Variants in ATXN2 observed in about 807,000 individuals in gnomAD.
The protein encoded by ATXN2 is ataxin 2.
In ATXN2, 37 loss-of-function variants were observed where a neutral mutation model predicts 138.6. The ratio of observed to expected loss-of-function variants is 0.27; its 90% CI spans 0.21 to 0.35. The LOEUF is 0.35. ATXN2 is among the 10% of genes least tolerant of loss of function. The pLI, the probability that ATXN2 is intolerant of heterozygous loss-of-function variation, is 1.00. For missense variants in ATXN2, 1,216 were observed against 1,480.3 expected (o/e 0.82, Z 2.93); for synonymous variants, 549 against 543.7 (o/e 1.01, Z -0.13).
chr12:111,492,740 A>T (rs1566022778), intron 14 of ATXN2, among the ~76,000 whole-genome samples: 1 of 152,032 alleles, frequency 6.6e-6, no homozygotes, highest in Non-Finnish European at 1.5e-5. Flanking sequence ...CAAAGAACAG[A>T]ATACCCAACT....
intron 5 of ATXN2, among the ~76,000 whole-genome samples, chr12:111,547,932 C>T (rs1364529934): frequency 6.7e-6 from 1 of 149,698 alleles, no homozygotes; most frequent in Non-Finnish European, 1.5e-5. Flanking sequence ...GTGGTTCATG[C>T]CTACAATCCC....
chr12:111,586,382 A>C (rs1211213009), intron 1 of ATXN2, among the ~76,000 whole-genome samples: 5 of 133,242 alleles, frequency 3.8e-5, no homozygotes, highest in African/African-American at 1.4e-4. Context: ...CCCAGCCCCA[A>C]GTCTGGTTTT....
intron 6 of ATXN2, 60 bp downstream of exon 6, chr12:111,525,132 C>G: frequency 6.5e-7 from 1 of 1,530,902 alleles, no homozygotes. Context: ...TAAATTACAA[C>G]CAAGTGACAG....
rs1164685458 is a variant in ATXN2 at position 111,525,234 on chromosome 12, T to A, written c.654A>T (p.Glu218Asp). The change falls in exon 6 of 25, where the codon GAA (glutamate) becomes GAT (aspartate). Residue 218 changes from glutamate (E) to aspartate (D), a missense_variant. This residue lies in a region of ATXN2 where 401 missense variants were observed against 528.1 expected (regional missense o/e 0.76). Coordinates refer to ENST00000673436, the MANE Select transcript of ATXN2 (RefSeq NM_001372574.1). ...CCTCAAGTTCCTCATTGGCTGTGAG[T>A]TCACCTGCATCCCAGGGCTCCAGGT... ...EKDLEPWDAG[E>D]LTANEELEAL... 1 of 1,613,714 alleles carries A rather than the reference T, an allele frequency of 6.2e-7. No homozygotes were observed.
At chr12:111,583,002 T>G (rs1385082191) in intron 1 of ATXN2, among the ~76,000 whole-genome samples, 11 of 139,942 alleles carry the variant, frequency 7.9e-5, no homozygotes, top group African/African-American at 2.9e-4. Context: ...TGTTTTTTTT[T>G]TTTTTTTGGA....
intron 16 of ATXN2, 24 bp downstream of exon 16, chr12:111,486,737 C>A: frequency 6.3e-7 from 1 of 1,584,822 alleles, no homozygotes; most frequent in Non-Finnish European, 8.6e-7. Flanking sequence ...GACTAGATAA[C>A]CTCAAAGAAA....
At chr12:111,565,104 T>C (rs7137348) in intron 1 of ATXN2, among the ~76,000 whole-genome samples, 2 of 152,184 alleles carry the variant, frequency 1.3e-5, no homozygotes, top group South Asian at 2.1e-4. Flanking sequence ...ATGTCATGAA[T>C]GTCCCCATAT....
intron 1 of ATXN2, among the ~76,000 whole-genome samples, chr12:111,562,841 G>A (rs923015133): frequency 6.6e-6 from 1 of 151,354 alleles, no homozygotes; most frequent in African/African-American, 2.4e-5. Flanking sequence ...GCTAAATATA[G>A]TAAGGGAAAG....
In ATXN2 at chr12:111,599,047, A is replaced by C; in HGVS notation, c.-13T>G. Reference sequence around the variant, plus strand: ...GCTTCAGCGACATGGTGAGGGGCCCATACACCGGCTCGCACGCCGGGCGGG... The same window carrying C: ...GCTTCAGCGACATGGTGAGGGGCCCCTACACCGGCTCGCACGCCGGGCGGG... On this transcript the variant is annotated 5_prime_UTR_variant, in exon 1 of 25. The change abolishes an upstream ATG in the 5' untranslated region. Transcript: ENST00000673436. 6.8e-7 allele frequency: 1 copy of C among 1,459,984 alleles called. No individual in the cohort carries two copies. Among genetic ancestry groups the C allele is most frequent in the Non-Finnish European group, 9.0e-7 (1 of 1,107,614 alleles). The allele number at this position is 1,459,984 out of a possible 1,614,324, so 90.4% of individuals were successfully genotyped here.
At chr12:111,588,889 G>T (rs886729892) in intron 1 of ATXN2, among the ~76,000 whole-genome samples, 2 of 149,460 alleles carry the variant, frequency 1.3e-5, no homozygotes, top group Non-Finnish European at 3.0e-5. Flanking sequence ...CAGCTACTCG[G>T]GAGGCTGAGG....
chr12:111,462,489 G>A (rs6490140), intron 21 of ATXN2, among the ~76,000 whole-genome samples: 15,562 of 152,158 alleles, frequency 0.1, 2,660 homozygotes, highest in African/African-American at 0.35. Context: ...TTGTAAATCT[G>A]ATGTTAAATT....
intron 14 of ATXN2, 46 bp from the exon 15 acceptor site, chr12:111,488,826 G>A (rs1459410902): frequency 1.4e-6 from 2 of 1,466,234 alleles, no homozygotes; most frequent in Admixed American, 2.1e-5. Context: ...AATAACTTTA[G>A]TAATACATTT....
At chr12:111,505,170 C>G (rs1879028991) in intron 14 of ATXN2, among the ~76,000 whole-genome samples, 1 of 152,114 alleles carries the variant, frequency 6.6e-6, no homozygotes, top group Non-Finnish European at 1.5e-5. Context: ...GATTGCACCA[C>G]TGCCCTCCAG....
rs1306449151 is a variant in ATXN2 at position 111,478,968 on chromosome 12, C to T, written c.2524+6297G>A. On this transcript the variant is annotated intron_variant, in intron 18 of 24. Transcript: ENST00000673436. The stretch of plus-strand genomic sequence containing the variant: ...AGGTTGCCATGAGCTGAAATCACGC[C>T]ACTGAACTCCAGCCTGGGCAACAGA... 4 of 230,846 alleles carry T rather than the reference C, an allele frequency of 1.7e-5. No individual in the cohort carries two copies. In the Admixed American group the frequency reaches 2.3e-4, roughly 13 times the overall value. The allele number at this position is 230,846 out of a possible 1,614,324, so 14.3% of individuals were successfully genotyped here.
chr12:111,464,624 C>A (rs777019587), intron 21 of ATXN2, 38 bp downstream of exon 21: 9 of 1,520,256 alleles, frequency 5.9e-6, no homozygotes, highest in Non-Finnish European at 7.3e-6. Context: ...AAGTGTTTTA[C>A]TGTACAATTA....
rs1367575125 is a variant in ATXN2, at chr12:111,465,295, A to T, written c.2843-580T>A. 5.5e-5 allele frequency among the ~76,000 whole-genome samples: 8 copies of T among 145,890 alleles called. No individual in the cohort carries two copies. In the East Asian group the frequency reaches 5.9e-4, roughly 11 times the overall value. On this transcript the variant is annotated intron_variant, in intron 20 of 24. Transcript: ENST00000673436. ...GGTGGAGGGATTATGGATGCTTTTCATTTTTTTTTTTTTTAACTTAACTAT... is the reference window on the plus strand; with the variant it reads ...GGTGGAGGGATTATGGATGCTTTTCTTTTTTTTTTTTTTTAACTTAACTAT...
intron 1 of ATXN2, among the ~76,000 whole-genome samples, chr12:111,593,172 C>T (rs535672351): frequency 1.3e-5 from 2 of 152,046 alleles, no homozygotes; most frequent in East Asian, 3.9e-4. Context: ...AACCTCCGCA[C>T]TCATTGCAAC....
Position 111,456,167 on chromosome 12 carries a change from T to G in ATXN2, c.3132A>C (p.Pro1044=), listed in dbSNP as rs1430249837. 1.9e-6 allele frequency: 3 copies of G among 1,613,886 alleles called. No individual in the cohort carries two copies. In the Admixed American group the frequency reaches 5.0e-5, roughly 27 times the overall value. Residue 1044 remains proline (P), a synonymous_variant, in exon 23 of 25, where the codon CCA becomes CCC. Coordinates refer to ENST00000673436, the MANE Select transcript of ATXN2 (RefSeq NM_001372574.1). ...AIYHAGLAPT[P]PSMTPASNTQ... is the part of the protein sequence containing the mutation. The stretch of plus-strand genomic sequence containing the variant: ...TGTTGGAGGCAGGTGTCATGGAGGG[T>G]GGAGTTGGCGCAAGCCCCGCGTGGT...
intron 1 of ATXN2, among the ~76,000 whole-genome samples, chr12:111,578,849 A>G (rs1475937372): frequency 6.6e-6 from 1 of 152,024 alleles, no homozygotes; most frequent in Admixed American, 6.6e-5. Flanking sequence ...AACACCACCC[A>G]GGGCAACATA....
Sources: allele counts gnomAD v4.1 joint callset (sites outside exome capture counted in the v4.1 genomes callset), GRCh38; gene constraint gnomAD v4.1.1; regional missense constraint gnomAD v4.1.1; transcripts MANE v1.5; gene names NCBI Gene and HGNC (gene_info 2026-07-23, HGNC 2026-07-21).